The following NIN variants were observed in gnomAD, a reference collection of about 807,000 sequenced individuals.
NIN encodes glycogen synthase kinase 3 beta-interacting protein.
In NIN, 137 loss-of-function variants were observed where a neutral mutation model predicts 257.6. That is an observed-to-expected ratio of 0.53 (90% CI 0.46 to 0.61). NIN has a LOEUF of 0.61. Among genes scored for constraint, NIN ranks in the 20% least tolerant of loss-of-function variants. The probability of loss-of-function intolerance (pLI) is 0.00; values close to 1 mark genes in which losing one functional copy is unlikely to be tolerated. For missense variants in NIN, 2,439 were observed against 2,501.2 expected (o/e 0.98, Z 0.53); for synonymous variants, 918 against 919.8 (o/e 1.00, Z 0.04).
chr14:50,739,622 A>G (rs1209939605), intron 25 of NIN, 135 bp from the exon 26 acceptor site: 1 of 693,400 alleles, frequency 1.4e-6, no homozygotes, highest in East Asian at 2.7e-5. Flanking sequence ...TCTTCTAATG[A>G]AAGTATGTGT....
At chr14:50,817,776 C>T (rs867660979) in intron 3 of NIN, among the ~76,000 whole-genome samples, 2 of 152,124 alleles carry the variant, frequency 1.3e-5, no homozygotes, top group African/African-American at 4.8e-5. Flanking sequence ...AGTACAATGG[C>T]GTGATCTCGG....
In NIN at chr14:50,830,559, G is replaced by C. The variant is rs1020008056; in HGVS notation, c.-75-42C>G. The stretch of plus-strand genomic sequence containing the variant: ...GACGCTTTGTTAGGGCTGGAGAAAC[G>C]GGACAATACTTCGCAGCCGGCGCAG... On this transcript the variant is annotated intron_variant, in intron 1 of 30. Coordinates refer to ENST00000530997, the MANE Select transcript of NIN (RefSeq NM_020921.4). 10 of 167,952 alleles carry C rather than the reference G, an allele frequency of 6.0e-5. 1 individual carries two copies. The highest frequency in any genetic ancestry group is 8.3e-4 in the Middle Eastern group (1 of 1,198). The allele number at this position is 167,952 out of a possible 1,614,324, so 10.4% of individuals were successfully genotyped here. A position where few individuals can be genotyped will look rare whatever the true frequency, so the allele number is the denominator to read the frequency against.
At chr14:50,818,254 C>T (rs1459512542) in intron 3 of NIN, among the ~76,000 whole-genome samples, 9 of 137,882 alleles carry the variant, frequency 6.5e-5, no homozygotes, top group Admixed American at 3.2e-4. Flanking sequence ...ACCCGGGAGG[C>T]GGAGCTTGCA....
At chr14:50,811,544 C>CTTTTTTTTT (rs55734117) in intron 3 of NIN, among the ~76,000 whole-genome samples, 7 of 75,274 alleles carry the variant, frequency 9.3e-5, no homozygotes, top group Non-Finnish European at 1.2e-4. Context: ...AATGGTCAAG[C>CTTTTTTTTT]TTTTTTTTTT....
In NIN at chr14:50,766,334, C is replaced by T; in HGVS notation, c.1608G>A (p.Met536Ile). Residue 536 changes from methionine to isoleucine, a missense_variant, in exon 14 of 31, where the codon ATG becomes ATA. Met to Ile is a conservative substitution (Grantham distance 10). Around this residue, in one of 3 missense-constraint regions of NIN, gnomAD observed 2,043 missense variants for 2,050.2 expected, o/e 1.00. Transcript: ENST00000530997. ...TGCACTGCCGCTCATATTCATTTCT[C>T]ATCTGTGTCAGTCTCTCTTCTTGCA... is the stretch of plus-strand genomic sequence containing the variant. Reference protein sequence around the residue: ...FFLQEERLTQMRNEYERQCRV... With the variant: ...FFLQEERLTQIRNEYERQCRV... 1 of 1,614,102 alleles carries T rather than the reference C, an allele frequency of 6.2e-7. No individual in the cohort carries two copies. The highest frequency in any genetic ancestry group is 8.5e-7 in the Non-Finnish European group (1 of 1,179,984).
In NIN at chr14:50,757,003, A is replaced by ACC; in HGVS notation, c.4025_4026dup (p.Cys1343GlyfsTer11). ...CTGGCTTCCCATAAGCAGCAGTCAC[A>ACC]CCGCTGGACCACGCTTTCCTGAAGC... On this transcript the variant is annotated frameshift_variant, in exon 18 of 31. Transcript: ENST00000530997. LOFTEE classifies it high-confidence loss of function. 1 of 1,612,942 alleles carries ACC rather than the reference A, an allele frequency of 6.2e-7. No individual in the cohort carries two copies. Among genetic ancestry groups the ACC allele is most frequent in the Non-Finnish European group, 8.5e-7 (1 of 1,179,626 alleles).
chr14:50,729,388 G>T, intron 29 of NIN, 135 bp downstream of exon 29: 1 of 788,110 alleles, frequency 1.3e-6, no homozygotes, highest in Non-Finnish European at 2.0e-6. Flanking sequence ...TCCCGTCTCA[G>T]CCTCCCAAGT....
At position 50,752,637 on chromosome 14, in the gene NIN, T is replaced by C; in HGVS notation, c.4831A>G (p.Asn1611Asp). 1 of 1,613,948 alleles carries C rather than the reference T, an allele frequency of 6.2e-7. No individual in the cohort carries two copies. ...SQNQEKLQEL[N>D]QRLTEMLCQK... ...CATAGCATTTCTGTTAGACGTTGAT[T>C]AAGTTCTTGCAGTTTTTCCTGGTTT... The change falls in exon 21 of 31, where the codon AAT (asparagine) becomes GAT (aspartate). Residue 1611 changes from asparagine (N) to aspartate (D), a missense_variant. Physicochemically the swap from Asn to Asp is conservative, Grantham distance 23. Transcript: ENST00000530997.
intron 2 of NIN, among the ~76,000 whole-genome samples, chr14:50,827,049 C>T (rs2045487486): frequency 6.6e-6 from 1 of 152,312 alleles, no homozygotes; most frequent in East Asian, 1.9e-4. Context: ...TTAGCTTTCA[C>T]CATTTGGCAA....
At chr14:50,727,695 G>A (rs761254832) in intron 29 of NIN, 3 of 1,439,828 alleles carry the variant, frequency 2.1e-6, no homozygotes, top group African/African-American at 1.4e-5. Context: ...GTTTTCACAG[G>A]TGCCCAATCC....
intron 29 of NIN, 31 bp from the exon 30 acceptor site, chr14:50,726,097 A>G (rs1487611654): frequency 1.3e-6 from 2 of 1,527,998 alleles, no homozygotes. Flanking sequence ...TTATTCGAAA[A>G]TCATGTCACA....
At chr14:50,745,371 A>G (rs1011222521) in intron 22 of NIN, among the ~76,000 whole-genome samples, 6 of 152,122 alleles carry the variant, frequency 3.9e-5, no homozygotes, top group African/African-American at 1.4e-4. Flanking sequence ...CCTTCACCCT[A>G]TTGAAAACCC....
chr14:50,760,499 T>A, intron 16 of NIN, 140 bp from the exon 17 acceptor site: 1 of 915,700 alleles, frequency 1.1e-6, no homozygotes, highest in Non-Finnish European at 1.6e-6. Flanking sequence ...TGTTTTAAAG[T>A]AACTGAATTC....
At chr14:50,784,035 A>C (rs2043242113) in intron 5 of NIN, among the ~76,000 whole-genome samples, 1 of 152,238 alleles carries the variant, frequency 6.6e-6, no homozygotes, top group African/African-American at 2.4e-5. Context: ...CCCTTGAAAT[A>C]TACGTAACCT....
At chr14:50,822,375 G>T (rs2045266203) in intron 2 of NIN, among the ~76,000 whole-genome samples, 1 of 152,218 alleles carries the variant, frequency 6.6e-6, no homozygotes, top group Admixed American at 6.5e-5. Context: ...TCTCTTGCCT[G>T]GTTCTCAGGC....
intron 30 of NIN, 158 bp downstream of exon 30, chr14:50,725,795 T>G (rs1021482207): frequency 7.4e-7 from 1 of 1,344,388 alleles, no homozygotes; most frequent in Non-Finnish European, 1.0e-6. Context: ...TGGGGTGATA[T>G]GAGGGATAGC....
rs553940949 is a variant in NIN, at chr14:50,721,405, C to T, written c.*2058G>A. The T allele has an allele frequency of 9.3e-5, 20 of 215,064 alleles. No homozygotes were observed. In the South Asian group the frequency reaches 1.3e-3, roughly 14 times the overall value. 13.3% of individuals were successfully genotyped at this position (215,064 alleles called of 1,614,324 possible). On this transcript the variant is annotated 3_prime_UTR_variant, in exon 31 of 31. Transcript: ENST00000530997. Reference sequence around the variant, plus strand: ...AGACAAAAATTAAAAATACAACAACCGTGATCACATGCTAAGGCCAGCTAT... The same window carrying T: ...AGACAAAAATTAAAAATACAACAACTGTGATCACATGCTAAGGCCAGCTAT...
intron 2 of NIN, among the ~76,000 whole-genome samples, chr14:50,828,336 T>G (rs2045557947): frequency 2.0e-5 from 3 of 152,258 alleles, no homozygotes; most frequent in African/African-American, 7.2e-5. Context: ...AATAAATGGT[T>G]AATTGCTGAC....
intron 5 of NIN, among the ~76,000 whole-genome samples, 188 bp from the exon 6 acceptor site, chr14:50,778,992 T>C (rs1024011670): frequency 4.6e-5 from 7 of 152,184 alleles, no homozygotes; most frequent in Admixed American, 3.9e-4. Flanking sequence ...AGGACGAGAC[T>C]CCTAAGAAAC....
Sources: gnomAD v4.1 joint callset for allele counts (sites outside exome capture counted in the v4.1 genomes callset) on GRCh38, gnomAD v4.1.1 for gene constraint, gnomAD v4.1.1 regional missense constraint, MANE v1.5 for transcripts, NCBI Gene and HGNC (gene_info 2026-07-23, HGNC 2026-07-21) for gene names.